Variants in DHDDS observed in about 807,000 individuals in gnomAD.
DHDDS encodes the protein dehydrodolichyl diphosphate synthase complex subunit DHDDS.
A neutral mutation model predicts 46.2 loss-of-function variants in DHDDS; 16 were observed. That is an observed-to-expected ratio of 0.35 (90% CI 0.23 to 0.53). The LOEUF (loss-of-function observed/expected upper bound fraction) is 0.53. DHDDS is among the 20% of genes least tolerant of loss of function. The pLI, the probability that DHDDS is intolerant of heterozygous loss-of-function variation, is 0.94. For synonymous variants in DHDDS, 151 were observed against 163.1 expected, an observed-to-expected ratio of 0.93 and a Z score of 0.56; for missense variants, 340 against 423.7, an observed-to-expected ratio of 0.80 and a Z score of 1.73.
intron 6 of DHDDS, among the ~76,000 whole-genome samples, chr1:26,451,818 A>C (rs111528335): frequency 1.3e-4 from 20 of 151,628 alleles, no homozygotes; most frequent in African/African-American, 4.6e-4. Flanking sequence ...TTTAGTAGAG[A>C]CGGGTTTCAC....
chr1:26,442,727 T>G lies in DHDDS; in HGVS notation c.181-4T>G. 2 of 1,614,086 alleles carry G rather than the reference T, an allele frequency of 1.2e-6. No homozygotes were observed. Among genetic ancestry groups the G allele is most frequent in the Non-Finnish European group, 1.7e-6 (2 of 1,180,006 alleles). ...TCCTAGCTCCTTGCCTTCTCCCCTC[T>G]CAGACTCTGCGGTGGTGTTTGAACC... On this transcript the variant is annotated splice_polypyrimidine_tract_variant and splice_region_variant and intron_variant, in intron 3 of 8. Transcript: ENST00000236342.
At chr1:26,436,406 TTTGTTTGTTTG>T (rs1373407173) in intron 2 of DHDDS, among the ~76,000 whole-genome samples, 3 of 19,350 alleles carry the variant, frequency 1.6e-4, no homozygotes, top group African/African-American at 3.2e-4. Flanking sequence ...CTCTGTTTTG[TTTGTTTGTTTG>T]TTTGTTTGTT....
intron 7 of DHDDS, among the ~76,000 whole-genome samples, chr1:26,459,297 G>T (rs1321569316): frequency 1.5e-5 from 2 of 135,568 alleles, no homozygotes; most frequent in Non-Finnish European, 3.2e-5. Flanking sequence ...AGCCAAACAG[G>T]CTATCGGACA....
chr1:26,456,755 C>T (rs991141645), intron 6 of DHDDS, among the ~76,000 whole-genome samples: 3 of 152,164 alleles, frequency 2.0e-5, no homozygotes, highest in African/African-American at 7.2e-5. Context: ...AAGAAATAGT[C>T]TTTTCTTCCT....
chr1:26,459,749 T>C (rs372147440), intron 7 of DHDDS, among the ~76,000 whole-genome samples: 47 of 152,380 alleles, frequency 3.1e-4, no homozygotes, highest in Non-Finnish European at 6.0e-4. Context: ...TGTTATTTCA[T>C]AGTCCTAAAA....
intron 5 of DHDDS, 92 bp from the exon 6 acceptor site, chr1:26,447,466 AG>A (rs1358944919): frequency 1.0e-6 from 1 of 995,604 alleles, no homozygotes; most frequent in Non-Finnish European, 1.6e-6. Flanking sequence ...TTGTTTTTCT[AG>A]GGAAAGGCTG....
intron 3 of DHDDS, among the ~76,000 whole-genome samples, chr1:26,441,596 A>G (rs1287583476): frequency 1.1e-4 from 16 of 152,116 alleles, no homozygotes; most frequent in Admixed American, 1.0e-3. Flanking sequence ...TACCCCTGTC[A>G]AGATATAGGA....
In DHDDS at chr1:26,438,423, A is replaced by G. The variant is rs2075183318; in HGVS notation, c.180+139A>G. ...GTGTTTTATTGTTTGCTTGCTAGCT[A>G]TAGATCTCATCTTGACATTGGCCAG... On this transcript the variant is annotated intron_variant, in intron 3 of 8. Transcript: ENST00000236342. 4.8e-6 allele frequency: 4 copies of G among 826,662 alleles called. No individual in the cohort carries two copies. The Admixed American group carries it at 6.0e-5, about 12-fold the overall frequency. The allele number at this position is 826,662 out of a possible 1,614,324, so 51.2% of individuals were successfully genotyped here.
At chr1:26,440,930 T>C (rs1209808366) in intron 3 of DHDDS, among the ~76,000 whole-genome samples, 1 of 150,708 alleles carries the variant, frequency 6.6e-6, no homozygotes, top group African/African-American at 2.4e-5. Context: ...TTTTCTTCTT[T>C]TTTTTTTTTT....
At position 26,443,126 on chromosome 1, in the gene DHDDS, G is replaced by GA. The variant is rs1275492735; in HGVS notation, c.323+253_323+254insA. On this transcript the variant is annotated intron_variant, in intron 4 of 8. Coordinates refer to ENST00000236342, the MANE Select transcript of DHDDS (RefSeq NM_205861.3). ...CATGATTTAAGAACAAGTACAGCCA[G>GA]CCTCAAGCAAAACTGAAACCAGGAA... The GA allele has an allele frequency of 9.8e-5, 51 of 519,042 alleles. No individual in the cohort carries two copies. In the South Asian group the frequency reaches 1.0e-3, roughly 10 times the overall value. The allele number at this position is 519,042 out of a possible 1,614,324, so 32.2% of individuals were successfully genotyped here.
chr1:26,441,559 G>C (rs1163311071), intron 3 of DHDDS, among the ~76,000 whole-genome samples: 1 of 152,066 alleles, frequency 6.6e-6, no homozygotes, highest in African/African-American at 2.4e-5. Context: ...TTTAGGTTTT[G>C]ACAATTGCAT....
At chr1:26,445,001 G>A (rs375461879) in intron 4 of DHDDS, among the ~76,000 whole-genome samples, 29 of 152,276 alleles carry the variant, frequency 1.9e-4, no homozygotes, top group African/African-American at 6.3e-4. Flanking sequence ...GAGTTTGGGA[G>A]TTATTGTATG....
chr1:26,447,922 A>G (rs752561243), intron 6 of DHDDS: 4 of 598,160 alleles, frequency 6.7e-6, no homozygotes, highest in South Asian at 2.0e-5. Flanking sequence ...GAGCATGTGG[A>G]AAGATTTAAG....
At chr1:26,444,082 C>A (rs1185086952) in intron 4 of DHDDS, among the ~76,000 whole-genome samples, 1 of 152,156 alleles carries the variant, frequency 6.6e-6, no homozygotes, top group Non-Finnish European at 1.5e-5. Flanking sequence ...CTACACTGTG[C>A]TCTGAGAGAC....
At chr1:26,447,914 G>A (rs895293358) in intron 6 of DHDDS, 4 of 597,688 alleles carry the variant, frequency 6.7e-6, no homozygotes, top group Admixed American at 3.0e-5. Context: ...AATTAGGGGA[G>A]CATGTGGAAA....
In DHDDS at chr1:26,470,035, G is replaced by C. The variant is rs898865763; in HGVS notation, c.*904G>C. 6.6e-6 allele frequency: 1 copy of C among 152,294 alleles called. No individual in the cohort carries two copies. Among genetic ancestry groups the C allele is most frequent in the Non-Finnish European group, 1.5e-5 (1 of 68,118 alleles). The allele number at this position is 152,294 out of a possible 1,614,324, so 9.4% of individuals were successfully genotyped here. A position where few individuals can be genotyped will look rare whatever the true frequency, so the allele number is the denominator to read the frequency against. On this transcript the variant is annotated 3_prime_UTR_variant, in exon 9 of 9. Coordinates refer to ENST00000236342, the MANE Select transcript of DHDDS (RefSeq NM_205861.3). Reference sequence around the variant, plus strand: ...AACTCTGATTCCCACTCCACTCTTCGAGGTTTCTCTCAGCTTTTTGACCTG... The same window carrying C: ...AACTCTGATTCCCACTCCACTCTTCCAGGTTTCTCTCAGCTTTTTGACCTG...
At chr1:26,432,666 G>A (rs372572401) in intron 1 of DHDDS, 4 of 491,208 alleles carry the variant, frequency 8.1e-6, no homozygotes, top group East Asian at 7.6e-5. Flanking sequence ...GGAGGAAATG[G>A]GAATGGGAAG....
At chr1:26,464,149 C>G (rs1043558378) in intron 8 of DHDDS, among the ~76,000 whole-genome samples, 1 of 151,764 alleles carries the variant, frequency 6.6e-6, no homozygotes, top group Non-Finnish European at 1.5e-5. Flanking sequence ...CGTGCCACCA[C>G]GCACAACTAA....
In DHDDS at chr1:26,442,884, A is replaced by T; in HGVS notation, c.323+11A>T. 1 of 1,613,978 alleles carries T rather than the reference A, an allele frequency of 6.2e-7. No individual in the cohort carries two copies. Among genetic ancestry groups the T allele is most frequent in the Non-Finnish European group, 8.5e-7 (1 of 1,179,966 alleles). The stretch of plus-strand genomic sequence containing the variant: ...CTTGATGGAAGAAAAGTAAGATGCT[A>T]TCAGAGGGGAGAGCATGTTCTTCCA... On this transcript the variant is annotated intron_variant, in intron 4 of 8. Coordinates refer to ENST00000236342, the MANE Select transcript of DHDDS (RefSeq NM_205861.3).
Sources: allele counts gnomAD v4.1 joint callset (sites outside exome capture counted in the v4.1 genomes callset), GRCh38; gene constraint gnomAD v4.1.1; transcripts MANE v1.5; gene names NCBI Gene and HGNC (gene_info 2026-07-23, HGNC 2026-07-21).